RARB: variants seen among roughly 807,000 people sequenced by gnomAD.
RARB encodes the protein retinoic acid receptor beta, also known as HBV-activated protein.
Under a neutral mutation model 51.9 loss-of-function variants are expected in RARB, and 17 were observed. The observed-to-expected ratio is 0.33, with a 90% CI of 0.22 to 0.49. The LOEUF (loss-of-function observed/expected upper bound fraction) is 0.49, where lower values mean the gene tolerates loss of function less well. RARB is among the 20% of genes least tolerant of loss of function. The probability of loss-of-function intolerance (pLI) is 0.99; values close to 1 mark genes in which losing one functional copy is unlikely to be tolerated. For synonymous variants in RARB, 215 were observed against 195.4 expected (o/e 1.10, Z -0.84); for missense variants, 369 against 550.8 (o/e 0.67, Z 3.30).
chr3:24,913,744 C>A (rs930873879), intron 2 of RARB, among the ~76,000 whole-genome samples: 8 of 152,068 alleles, frequency 5.3e-5, no homozygotes, highest in Admixed American at 3.9e-4. Context: ...TCTTTACAGT[C>A]CCATATTTTG....
chr3:25,396,232 A>G (rs550558579), intron 5 of RARB, among the ~76,000 whole-genome samples: 133 of 152,368 alleles, frequency 8.7e-4, no homozygotes, highest in African/African-American at 3.0e-3. Flanking sequence ...CCTCTCAGCC[A>G]TGGATACCAG....
chr3:25,145,968 C>T (rs534367306), intron 4 of RARB, among the ~76,000 whole-genome samples: 2 of 151,726 alleles, frequency 1.3e-5, no homozygotes, highest in African/African-American at 4.8e-5. Flanking sequence ...CGCCACTGCA[C>T]TTCAGCCTGG....
At position 25,333,445 on chromosome 3, in the gene RARB, A is replaced by C. The variant is rs1207187159; in HGVS notation, c.179-127748A>C. 5.3e-5 allele frequency among the ~76,000 whole-genome samples: 8 copies of C among 152,258 alleles called. No individual in the cohort carries two copies. The East Asian group carries it at 7.7e-4, about 15-fold the overall frequency. On this transcript the variant is annotated intron_variant, in intron 5 of 11. Transcript: ENST00000383772. Reference sequence around the variant, plus strand: ...ATGGGGAAAGGATTCCCTATTTAATAAATGGTGCTGGGAAAACTGGCTAGC... The same window carrying C: ...ATGGGGAAAGGATTCCCTATTTAATCAATGGTGCTGGGAAAACTGGCTAGC...
intron 3 of RARB, among the ~76,000 whole-genome samples, chr3:25,070,362 G>A (rs1193486305): frequency 6.6e-6 from 1 of 152,124 alleles, no homozygotes; most frequent in Non-Finnish European, 1.5e-5. Flanking sequence ...AAGAGCGAGT[G>A]CATACTTGTA....
intron 4 of RARB, among the ~76,000 whole-genome samples, chr3:25,577,317 A>C (rs1656466): frequency 0.021 from 3,130 of 152,284 alleles, 47 homozygotes; most frequent in Non-Finnish European, 0.033. Context: ...AAAAGTAAAG[A>C]GAGTCGGTGA....
At chr3:24,942,374 A>G (rs1453002960) in intron 2 of RARB, among the ~76,000 whole-genome samples, 1 of 152,196 alleles carries the variant, frequency 6.6e-6, no homozygotes, top group Non-Finnish European at 1.5e-5. Context: ...CTTAGGGTTT[A>G]TTTACTCTAA....
rs559834469 is a variant in RARB at position 25,151,554 on chromosome 3, C to A, written c.-280+19346C>A. On this transcript the variant is annotated intron_variant, in intron 4 of 11. Coordinates refer to the RARB transcript ENST00000383772. ...CACTAAGTTGAATCTATAAACAGAA[C>A]CTACTAATTAAGAGTAATTGCTTAG... 4.5e-3 allele frequency among the ~76,000 whole-genome samples: 683 copies of A among 152,248 alleles called. 12 individuals carry two copies. The highest frequency in any genetic ancestry group is 0.041 in the South Asian group (198 of 4,828).
At chr3:24,837,699 C>T (rs917524404) in intron 1 of RARB, among the ~76,000 whole-genome samples, 2 of 152,036 alleles carry the variant, frequency 1.3e-5, no homozygotes, top group Admixed American at 1.3e-4. Context: ...TGGCACAGAT[C>T]GAAAACTAGT....
intron 5 of RARB, among the ~76,000 whole-genome samples, chr3:25,305,440 A>G: frequency 6.6e-6 from 1 of 152,208 alleles, no homozygotes; most frequent in East Asian, 1.9e-4. Context: ...CCCAAAAGGC[A>G]AAAACCACAG....
At chr3:25,024,814 G>A (rs967775240) in intron 2 of RARB, among the ~76,000 whole-genome samples, 1 of 151,874 alleles carries the variant, frequency 6.6e-6, no homozygotes, top group Non-Finnish European at 1.5e-5. Flanking sequence ...TTGGCTGGGC[G>A]TGGTGACACA....
chr3:24,870,383 C>T (rs578035864), intron 2 of RARB, among the ~76,000 whole-genome samples: 24 of 152,166 alleles, frequency 1.6e-4, no homozygotes, highest in Admixed American at 1.3e-3. Context: ...TGTTCCAACA[C>T]TATTTTATAG....
chr3:24,863,187 A>G (rs956353264), intron 2 of RARB, among the ~76,000 whole-genome samples: 5 of 152,224 alleles, frequency 3.3e-5, no homozygotes, highest in Non-Finnish European at 7.3e-5. Context: ...CTGGGGCTGC[A>G]GACAAATGGC....
intron 5 of RARB, among the ~76,000 whole-genome samples, chr3:25,345,021 C>T (rs559068105): frequency 6.6e-6 from 1 of 152,188 alleles, no homozygotes; most frequent in South Asian, 2.1e-4. Flanking sequence ...TTTTGGTTTA[C>T]AAACAAAGAC....
At chr3:25,487,403 C>G (rs1427040822) in intron 2 of RARB, among the ~76,000 whole-genome samples, 2 of 151,574 alleles carry the variant, frequency 1.3e-5, no homozygotes, top group African/African-American at 2.4e-5. Context: ...AATCTGTCTG[C>G]TTTGCCGGTA....
intron 3 of RARB, among the ~76,000 whole-genome samples, chr3:25,527,962 C>T (rs904556442): frequency 1.3e-5 from 2 of 152,216 alleles, no homozygotes; most frequent in Non-Finnish European, 2.9e-5. Flanking sequence ...AGCAACAAGG[C>T]CCTGCACAAA....
chr3:25,089,165 T>TA (rs1187593116), intron 3 of RARB, among the ~76,000 whole-genome samples: 1 of 152,056 alleles, frequency 6.6e-6, no homozygotes, highest in African/African-American at 2.4e-5. Flanking sequence ...AAATTCATTG[T>TA]AAAGAACAGA....
chr3:25,461,380 C>T (rs1401733647), intron 2 of RARB, 39 bp downstream of exon 2: 1 of 1,600,172 alleles, frequency 6.2e-7, no homozygotes. Context: ...AACTCTCATT[C>T]TCCATGTACT....
intron 4 of RARB, among the ~76,000 whole-genome samples, chr3:25,164,999 T>G (rs1183058392): frequency 1.3e-5 from 2 of 152,170 alleles, no homozygotes; most frequent in African/African-American, 4.8e-5. Context: ...AACTCAAGAT[T>G]GGGCACCTTA....
chr3:24,873,211 C>A (rs1702979871), intron 2 of RARB, among the ~76,000 whole-genome samples: 1 of 152,182 alleles, frequency 6.6e-6, no homozygotes, highest in Admixed American at 6.5e-5. Context: ...TTAGAATTAT[C>A]TCTTATGTCA....
Sources: gnomAD v4.1 joint callset for allele counts (sites outside exome capture counted in the v4.1 genomes callset) on GRCh38, gnomAD v4.1.1 for gene constraint, MANE v1.5 for transcripts, NCBI Gene and HGNC (gene_info 2026-07-23, HGNC 2026-07-21) for gene names.